TRERF1: variants seen among roughly 807,000 people sequenced by gnomAD.
TRERF1 encodes transcriptional regulating factor 1, also known as transcriptional-regulating factor 1.
In TRERF1, 27 loss-of-function variants were observed where a neutral mutation model predicts 122.9. That is an observed-to-expected ratio of 0.22 (90% CI 0.16 to 0.30). The LOEUF (loss-of-function observed/expected upper bound fraction) is 0.30, where lower values mean the gene tolerates loss of function less well. Ranked by LOEUF, TRERF1 falls within the 10% of genes least tolerant of loss-of-function variation. The pLI, the probability that TRERF1 is intolerant of heterozygous loss-of-function variation, is 1.00. For synonymous variants in TRERF1, 636 were observed against 641.7 expected, an observed-to-expected ratio of 0.99 and a Z score of 0.13; for missense variants, 1,248 against 1,560.3, an observed-to-expected ratio of 0.80 and a Z score of 3.37.
At chr6:42,264,716 G>A (rs764286760) in exon 7 of TRERF1, 57 of 1,613,912 alleles carry the variant, frequency 3.5e-5, no homozygotes, top group Non-Finnish European at 4.7e-5. Context: ...GTTTGAGGTT[G>A]GGGGAGGCCC....
At chr6:42,239,325 C>A (rs1459524694) in intron 15 of TRERF1, among the ~76,000 whole-genome samples, 1 of 152,118 alleles carries the variant, frequency 6.6e-6, no homozygotes, top group Non-Finnish European at 1.5e-5. Flanking sequence ...ATATATTTGT[C>A]CTGAGTCGGG....
intron 2 of TRERF1, among the ~76,000 whole-genome samples, chr6:42,375,253 C>T (rs1774632039): frequency 6.6e-6 from 1 of 152,100 alleles, no homozygotes; most frequent in Non-Finnish European, 1.5e-5. Flanking sequence ...CATGAAGATG[C>T]CTTCTGGCTG....
At chr6:42,289,540 T>C (rs931317047) in intron 4 of TRERF1, among the ~76,000 whole-genome samples, 2 of 152,164 alleles carry the variant, frequency 1.3e-5, no homozygotes, top group African/African-American at 2.4e-5. Context: ...TACACATTTT[T>C]GAGAACACTG....
At chr6:42,449,033 T>A (rs1788013503) in intron 2 of TRERF1, among the ~76,000 whole-genome samples, 1 of 152,198 alleles carries the variant, frequency 6.6e-6, no homozygotes, top group South Asian at 2.1e-4. Flanking sequence ...CACTTTAAGT[T>A]CCTAACTCAA....
intron 2 of TRERF1, among the ~76,000 whole-genome samples, chr6:42,389,018 G>A (rs561303261): frequency 1.1e-3 from 164 of 152,236 alleles, no homozygotes; most frequent in Non-Finnish European, 1.8e-3. Flanking sequence ...CTGGAACCTA[G>A]ACACTCAGAG....
At chr6:42,315,656 T>C (rs2150388651) in intron 3 of TRERF1, among the ~76,000 whole-genome samples, 1 of 151,956 alleles carries the variant, frequency 6.6e-6, no homozygotes, top group South Asian at 2.1e-4. Context: ...GCTGATATCC[T>C]TCAAGAGACC....
intron 3 of TRERF1, among the ~76,000 whole-genome samples, chr6:42,348,050 T>A (rs931419560): frequency 1.3e-5 from 2 of 152,214 alleles, no homozygotes; most frequent in Non-Finnish European, 2.9e-5. Flanking sequence ...TTGCCAATAG[T>A]GACCTTCACA....
chr6:42,291,393 G>A (rs910901892), intron 4 of TRERF1, among the ~76,000 whole-genome samples: 1 of 150,152 alleles, frequency 6.7e-6, no homozygotes, highest in Non-Finnish European at 1.5e-5. Flanking sequence ...AAACTTCAAC[G>A]CTCTAGTGTT....
chr6:42,383,070 A>G (rs1291243228), intron 2 of TRERF1, among the ~76,000 whole-genome samples: 1 of 152,028 alleles, frequency 6.6e-6, no homozygotes, highest in African/African-American at 2.4e-5. Flanking sequence ...AAAATAAAAC[A>G]ATTAGCTGAG....
chr6:42,250,766 T>C (rs1775611296), intron 13 of TRERF1, among the ~76,000 whole-genome samples: 1 of 152,142 alleles, frequency 6.6e-6, no homozygotes, highest in Non-Finnish European at 1.5e-5. Context: ...CCTAATTAAC[T>C]GGATGAAACC....
At chr6:42,321,627 G>A (rs1763482034) in intron 3 of TRERF1, among the ~76,000 whole-genome samples, 2 of 152,210 alleles carry the variant, frequency 1.3e-5, no homozygotes, top group African/African-American at 4.8e-5. Context: ...TGCATATACT[G>A]CGAGTGGTAG....
At chr6:42,328,610 C>A (rs1183972238) in intron 3 of TRERF1, among the ~76,000 whole-genome samples, 1 of 152,082 alleles carries the variant, frequency 6.6e-6, no homozygotes, top group Non-Finnish European at 1.5e-5. Flanking sequence ...TGGTTCCTAG[C>A]CCTAATTTTT....
intron 2 of TRERF1, among the ~76,000 whole-genome samples, chr6:42,422,487 G>C (rs373389520): frequency 7.8e-6 from 1 of 128,720 alleles, no homozygotes. Context: ...CTGGGCAACA[G>C]AGCCAGACCC....
rs1417159156 is a variant in TRERF1 at position 42,277,898 on chromosome 6, GGAAGAAGGAA to G, written c.-258-8060_-258-8051del. Among the ~76,000 whole-genome samples the G allele has an allele frequency of 7.1e-3, 809 of 113,712 alleles. 5 individuals are homozygous for G. The highest frequency in any genetic ancestry group is 0.038 in the Middle Eastern group (9 of 238). The allele number at this position is 113,712 out of a possible 152,430, so 74.6% of individuals were successfully genotyped here. Reference sequence around the variant, plus strand: ...AGAAGGAAGAAGGAAGAAGGAAGAAGGAAGAAGGAAGAAGAAGAAGAAGAAGAAGAAGAAG... The same window carrying G: ...AGAAGGAAGAAGGAAGAAGGAAGAAGGAAGAAGAAGAAGAAGAAGAAGAAG... On this transcript the variant is annotated intron_variant, in intron 4 of 17. Coordinates refer to ENST00000372922, the Ensembl canonical transcript of TRERF1.
At chr6:42,324,536 T>C (rs548335180) in intron 3 of TRERF1, among the ~76,000 whole-genome samples, 12 of 152,292 alleles carry the variant, frequency 7.9e-5, no homozygotes, top group African/African-American at 2.9e-4. Flanking sequence ...AACAATGTGG[T>C]ACTGGTACAA....
intron 2 of TRERF1, among the ~76,000 whole-genome samples, chr6:42,405,285 C>T (rs548935892): frequency 1.3e-5 from 2 of 152,074 alleles, no homozygotes; most frequent in African/African-American, 2.4e-5. Context: ...CCTTAAGATG[C>T]GAGGCCCCAG....
In TRERF1 at chr6:42,268,924, C is replaced by T; in HGVS notation, c.667G>A (p.Val223Ile). ...TGCCCTTGGGTAGGGTGCTGCCCGA[C>T]CTGAAGAGCTGGTTTGGACAGCCCA... The change falls in exon 5 of 18, where the codon GTC becomes ATC. Residue 223 changes from valine to isoleucine, a missense_variant. Transcript: ENST00000372922. The surrounding 1 kb of genome is among the most constrained non-coding windows in gnomAD (Gnocchi z 4.4). 1 of 1,612,518 alleles carries T rather than the reference C, an allele frequency of 6.2e-7. No homozygotes were observed. The highest frequency in any genetic ancestry group is 8.5e-7 in the Non-Finnish European group (1 of 1,178,884).
intron 17 of TRERF1, among the ~76,000 whole-genome samples, chr6:42,229,079 G>A (rs1770007389): frequency 6.6e-6 from 1 of 152,122 alleles, no homozygotes; most frequent in Non-Finnish European, 1.5e-5. Context: ...CCCACCATCT[G>A]CCTCTGGCCT....
chr6:42,265,876 G>A (rs1185097859), intron 5 of TRERF1, 79 bp from the exon 6 acceptor site: 18 of 1,437,106 alleles, frequency 1.3e-5, no homozygotes, highest in Non-Finnish European at 1.2e-5. Flanking sequence ...TCGAGCAGTG[G>A]GAACACCAGG....
Sources: allele counts gnomAD v4.1 joint callset (sites outside exome capture counted in the v4.1 genomes callset), GRCh38; gene constraint gnomAD v4.1.1; non-coding constraint Gnocchi (gnomAD v3.1); transcripts MANE v1.5; gene names NCBI Gene and HGNC (gene_info 2026-07-23, HGNC 2026-07-21).